TMEM117: variants seen among roughly 807,000 people sequenced by gnomAD.
TMEM117 encodes transmembrane protein 117.
In TMEM117, 27 loss-of-function variants were observed where a neutral mutation model predicts 52.4. That is an observed-to-expected ratio of 0.51 (90% CI 0.38 to 0.71). The LOEUF (loss-of-function observed/expected upper bound fraction) is 0.71. Among genes scored for constraint, TMEM117 ranks in the 30% least tolerant of loss-of-function variants. The pLI, the probability that TMEM117 is intolerant of heterozygous loss-of-function variation, is 0.00. For missense variants in TMEM117, 556 were observed against 630.5 expected, an observed-to-expected ratio of 0.88 and a Z score of 1.26; for synonymous variants, 215 against 206.3, an observed-to-expected ratio of 1.04 and a Z score of -0.36.
the TMEM117 span, among the ~76,000 whole-genome samples, chr12:43,820,498 C>A: frequency 6.6e-6 from 1 of 151,860 alleles, no homozygotes; most frequent in Non-Finnish European, 1.5e-5. Flanking sequence ...TGGTCTCGAT[C>A]TCCTGACCTC....
At chr12:44,147,072 G>T (rs1005331016) in intron 4 of TMEM117, among the ~76,000 whole-genome samples, 1 of 152,182 alleles carries the variant, frequency 6.6e-6, no homozygotes, top group African/African-American at 2.4e-5. Context: ...GAGGACAAGA[G>T]ATATATAACT....
intron 3 of TMEM117, among the ~76,000 whole-genome samples, chr12:43,983,547 CGTGTGTGTGTGTGTGTGTGT>C (rs748259406): frequency 6.3e-5 from 7 of 110,728 alleles, no homozygotes; most frequent in South Asian, 4.5e-4. Context: ...TTGCACCAAC[CGTGTGTGTGTGTGTGTGTGT>C]GTGTGTGTGT....
intron 4 of TMEM117, among the ~76,000 whole-genome samples, chr12:44,163,654 G>C (rs1349009840): frequency 2.0e-5 from 3 of 152,154 alleles, no homozygotes; most frequent in African/African-American, 4.8e-5. Context: ...CAGCCAGAAT[G>C]ATGATTGGAA....
intron 2 of TMEM117, among the ~76,000 whole-genome samples, chr12:43,891,367 A>ATTTTTTTTTTTTTTTTTTTTTT (rs772754829): frequency 1.0e-4 from 6 of 57,796 alleles, no homozygotes; most frequent in Non-Finnish European, 1.3e-4. Context: ...TACCTCTTGA[A>ATTTTTTTTTTTTTTTTTTTTTT]TTTTTTTTTT....
intron 2 of TMEM117, among the ~76,000 whole-genome samples, chr12:43,916,464 A>G (rs754329897): frequency 6.6e-6 from 1 of 152,150 alleles, no homozygotes; most frequent in Non-Finnish European, 1.5e-5. Flanking sequence ...TAATGATTCT[A>G]CCCCATCTAG....
intron 3 of TMEM117, among the ~76,000 whole-genome samples, chr12:44,024,616 G>A (rs1946503826): frequency 7.0e-6 from 1 of 141,878 alleles, no homozygotes. Flanking sequence ...GGGAGGAAGA[G>A]AGAAGGCAGG....
intron 4 of TMEM117, among the ~76,000 whole-genome samples, chr12:44,183,579 A>G (rs535593519): frequency 1.8e-4 from 28 of 152,230 alleles, no homozygotes; most frequent in Admixed American, 4.6e-4. Flanking sequence ...GGCTGGGAAA[A>G]CTTATTTTAG....
intron 6 of TMEM117, among the ~76,000 whole-genome samples, chr12:44,311,795 A>G (rs866599112): frequency 1.4e-3 from 16 of 11,506 alleles, no homozygotes; most frequent in African/African-American, 2.0e-3. Context: ...ATGTATATAT[A>G]TGTATATATG....
chr12:43,877,731 TA>T (rs1565731086), intron 2 of TMEM117, among the ~76,000 whole-genome samples: 1 of 151,870 alleles, frequency 6.6e-6, no homozygotes, highest in Non-Finnish European at 1.5e-5. Flanking sequence ...TGACCACATA[TA>T]AGAAAAAGTT....
intron 3 of TMEM117, among the ~76,000 whole-genome samples, chr12:44,105,373 C>A (rs1947935295): frequency 6.6e-6 from 1 of 151,970 alleles, no homozygotes; most frequent in Admixed American, 6.6e-5. Context: ...ATGTTGTCTA[C>A]TTTCTCTATT....
At chr12:44,016,285 G>A (rs1375479866) in intron 3 of TMEM117, among the ~76,000 whole-genome samples, 1 of 152,128 alleles carries the variant, frequency 6.6e-6, no homozygotes, top group East Asian at 1.9e-4. Flanking sequence ...CCCAGCCTCT[G>A]GGTGAAGCCA....
chr12:43,796,973 T>A, the TMEM117 span: 3 of 1,607,200 alleles, frequency 1.9e-6, no homozygotes, highest in Non-Finnish European at 2.5e-6. Context: ...ATAGGTGGGC[T>A]ACCTTTCTAA....
intron 3 of TMEM117, among the ~76,000 whole-genome samples, chr12:44,057,683 T>A (rs1470863379): frequency 6.6e-6 from 1 of 152,144 alleles, no homozygotes; most frequent in African/African-American, 2.4e-5. Flanking sequence ...ATTTAAATTG[T>A]TGAGGGACAA....
chr12:43,936,791 GC>G, intron 2 of TMEM117, among the ~76,000 whole-genome samples: 1 of 152,236 alleles, frequency 6.6e-6, no homozygotes, highest in East Asian at 1.9e-4. Context: ...GGAGGTCAAT[GC>G]ATTTGCCAGA....
At chr12:44,265,469 C>G (rs1950366767) in intron 5 of TMEM117, among the ~76,000 whole-genome samples, 1 of 152,080 alleles carries the variant, frequency 6.6e-6, no homozygotes, top group Non-Finnish European at 1.5e-5. Flanking sequence ...AGCAGTAATT[C>G]CAGTTAGAAG....
chr12:43,826,905 G>A, the TMEM117 span, among the ~76,000 whole-genome samples: 1 of 152,184 alleles, frequency 6.6e-6, no homozygotes, highest in East Asian at 1.9e-4. Context: ...TGACTGTGAA[G>A]GAATACATCA....
At chr12:44,395,222 G>T in the TMEM117 span, among the ~76,000 whole-genome samples, 1 of 152,130 alleles carries the variant, frequency 6.6e-6, no homozygotes, top group Non-Finnish European at 1.5e-5. Context: ...AGCACAACAT[G>T]TTGAACTTCA....
chr12:44,241,230 T>A (rs552827822), intron 5 of TMEM117, among the ~76,000 whole-genome samples: 4 of 151,930 alleles, frequency 2.6e-5, no homozygotes, highest in Admixed American at 6.6e-5. Context: ...TTTTTTATGC[T>A]TTTTTTCCAA....
At chr12:44,360,460 G>T (rs11182476) in intron 6 of TMEM117, among the ~76,000 whole-genome samples, 4,812 of 151,790 alleles carry the variant, frequency 0.032, 110 homozygotes, top group Middle Eastern at 0.054. Flanking sequence ...CCAGCTACTC[G>T]GGAGGCTGAG....
Sources: gnomAD v4.1 joint callset for allele counts (sites outside exome capture counted in the v4.1 genomes callset) on GRCh38, gnomAD v4.1.1 for gene constraint, MANE v1.5 for transcripts, NCBI Gene and HGNC (gene_info 2026-07-23, HGNC 2026-07-21) for gene names.